Variants in FGFR2 observed in about 807,000 individuals in gnomAD.
The protein encoded by FGFR2 is fibroblast growth factor receptor 2, also known as BEK fibroblast growth factor receptor.
A neutral mutation model predicts 95.9 loss-of-function variants in FGFR2; 19 were observed. The observed-to-expected ratio is 0.20, with a 90% CI of 0.14 to 0.29. The LOEUF (loss-of-function observed/expected upper bound fraction) is 0.29. Ranked by LOEUF, FGFR2 falls within the 10% of genes least tolerant of loss-of-function variation. FGFR2 has a pLI of 1.00. For missense variants in FGFR2, 707 were observed against 1,056.9 expected (o/e 0.67, Z 4.59); for synonymous variants, 392 against 393.3 (o/e 1.00, Z 0.04).
rs181929851 is a variant in FGFR2 at position 121,531,608 on chromosome 10, G to A, written c.748+6984C>T. On this transcript the variant is annotated intron_variant, in intron 6 of 17. Transcript: ENST00000358487. The surrounding 1 kb of genome is among the most constrained non-coding windows in gnomAD (Gnocchi z 4.5). Reference sequence around the variant, plus strand: ...TTGCATGGTACTATTATTTAAAAGCGCTGCCTCTCCTACCACCTCCTCCTC... The same window carrying A: ...TTGCATGGTACTATTATTTAAAAGCACTGCCTCTCCTACCACCTCCTCCTC... 3.9e-5 allele frequency among the ~76,000 whole-genome samples: 6 copies of A among 152,204 alleles called. No homozygotes were observed. Among genetic ancestry groups the A allele is most frequent in the East Asian group, 1.9e-4 (1 of 5,176 alleles).
rs781348632 is a variant in FGFR2 at position 121,565,586 on chromosome 10, C to T, written c.228G>A (p.Gly76=). The T allele has an allele frequency of 6.2e-7, 1 of 1,614,172 alleles. No individual in the cohort carries two copies. The highest frequency in any genetic ancestry group is 2.2e-5 in the East Asian group (1 of 44,884). Residue 76 remains glycine, a synonymous_variant, in exon 3 of 18, where the codon GGG becomes GGA. Coordinates refer to ENST00000358487, the MANE Select transcript of FGFR2 (RefSeq NM_000141.5). ...DAAVISWTKD[G]VHLGPNNRTV... ...TCCTATTGTTGGGCCCCAAGTGCACCCCATCCTTAGTCCAACTGATCACGG... is the reference window on the plus strand; with the variant it reads ...TCCTATTGTTGGGCCCCAAGTGCACTCCATCCTTAGTCCAACTGATCACGG...
At chr10:121,498,457 A>C (rs1025498316) in intron 12 of FGFR2, 38 bp downstream of exon 12, 1 of 1,283,814 alleles carries the variant, frequency 7.8e-7, no homozygotes, top group Non-Finnish European at 1.1e-6. Flanking sequence ...ATCAAACTGC[A>C]GAGTATTTGG....
At chr10:121,524,769 G>A (rs1231129279) in intron 6 of FGFR2, among the ~76,000 whole-genome samples, 5 of 152,168 alleles carry the variant, frequency 3.3e-5, no homozygotes, top group South Asian at 2.1e-4. Context: ...CTGGCCCAGC[G>A]GGCACTACGG....
chr10:121,566,021 C>A, intron 2 of FGFR2: 1 of 461,736 alleles, frequency 2.2e-6, no homozygotes, highest in Non-Finnish European at 4.0e-6. Flanking sequence ...AGCGTGCTTG[C>A]ACTGTAATAC....
chr10:121,577,178 T>TATATATATAG, intron 2 of FGFR2, among the ~76,000 whole-genome samples: 7 of 5,214 alleles, frequency 1.3e-3, no homozygotes, highest in South Asian at 6.8e-3. Flanking sequence ...TATATATATA[T>TATATATATAG]AGAGAGAGAG....
chr10:121,515,197 T>C lies in FGFR2; in HGVS notation c.1207A>G (p.Thr403Ala), dbSNP rs2134224492. ...CTGCTGAAGTCTGGCTTCTTGGTCG[T>C]GTTCTTCATTCGGCACAGGATGACT... ...VTVILCRMKN[T>A]TKKPDFSSQP... The change falls in exon 9 of 18, where the codon ACG becomes GCG. Residue 403 changes from threonine to alanine, a missense_variant. Thr to Ala is a moderately conservative substitution (Grantham distance 58, BLOSUM62 0). This residue lies in a region of FGFR2 where 194 missense variants were observed against 267.3 expected (regional missense o/e 0.73). Transcript: ENST00000358487. The C allele has an allele frequency of 6.2e-7, 1 of 1,614,214 alleles. No individual in the cohort carries two copies. Among genetic ancestry groups the C allele is most frequent in the Non-Finnish European group, 8.5e-7 (1 of 1,180,032 alleles).
At chr10:121,489,545 C>T (rs1845863824) in intron 13 of FGFR2, among the ~76,000 whole-genome samples, 1 of 152,134 alleles carries the variant, frequency 6.6e-6, no homozygotes, top group Non-Finnish European at 1.5e-5. Context: ...TAAACACATA[C>T]AAAATATGCG....
At chr10:121,572,578 C>T (rs959247196) in intron 2 of FGFR2, among the ~76,000 whole-genome samples, 5 of 152,126 alleles carry the variant, frequency 3.3e-5, no homozygotes, top group Non-Finnish European at 5.9e-5. Context: ...CGAGACCATG[C>T]CATTGCACTC....
chr10:121,597,849 C>A (rs1354535328), intron 1 of FGFR2, 113 bp downstream of exon 1: 2 of 373,952 alleles, frequency 5.3e-6, no homozygotes. Context: ...CTCCACAATG[C>A]TAGTCCTTCC....
intron 6 of FGFR2, among the ~76,000 whole-genome samples, chr10:121,524,624 C>T (rs1253816695): frequency 6.6e-6 from 1 of 152,186 alleles, no homozygotes; most frequent in African/African-American, 2.4e-5. Flanking sequence ...TCCCTAAGAA[C>T]CTCAGAAACA....
At chr10:121,513,076 G>T (rs1244882781) in intron 9 of FGFR2, among the ~76,000 whole-genome samples, 1 of 152,140 alleles carries the variant, frequency 6.6e-6, no homozygotes, top group Non-Finnish European at 1.5e-5. Context: ...CAACATGTTA[G>T]TCAGGCTGGA....
At chr10:121,552,979 C>T (rs1295258870) in intron 4 of FGFR2, among the ~76,000 whole-genome samples, 1 of 152,080 alleles carries the variant, frequency 6.6e-6, no homozygotes, top group African/African-American at 2.4e-5. Flanking sequence ...GTGTAGAGCA[C>T]GTCCCTGGGG....
At position 121,597,380 on chromosome 10, in the gene FGFR2, C is replaced by T. The variant is rs1564761624; in HGVS notation, c.-151+582G>A. ...CCTAGCCCCAGGCGCACTGCGCTCC[C>T]TCCAGCGCCGACGGCGGCTGCGGGC... is the stretch of plus-strand genomic sequence containing the variant. On this transcript the variant is annotated intron_variant, in intron 1 of 17. Coordinates refer to ENST00000358487, the MANE Select transcript of FGFR2 (RefSeq NM_000141.5). Among the ~76,000 whole-genome samples, 5 of 152,334 alleles carry T rather than the reference C, an allele frequency of 3.3e-5. No individual in the cohort carries two copies. In the South Asian group the frequency reaches 8.3e-4, roughly 25 times the overall value.
In FGFR2 at chr10:121,517,415, G is replaced by A. The variant is rs200204947; in HGVS notation, c.988C>T (p.Arg330Trp). 7.4e-6 allele frequency: 12 copies of A among 1,614,136 alleles called. No homozygotes were observed. Among genetic ancestry groups the A allele is most frequent in the Non-Finnish European group, 1.0e-5 (12 of 1,180,010 alleles). ...CCAGCGTCCTCAAAAGTTACATTCC[G>A]AATATAGAGAACCTCAATCTCTTTG... ...TDKEIEVLYI[R>W]NVTFEDAGEY... The change falls in exon 8 of 18, where the codon CGG becomes TGG. Residue 330 changes from arginine to tryptophan, a missense_variant. By Grantham distance (101) the Arg-to-Trp change is moderately radical (BLOSUM62 -3). This residue lies in a region of FGFR2 where 139 missense variants were observed against 278.1 expected (regional missense o/e 0.50). Coordinates refer to ENST00000358487, the MANE Select transcript of FGFR2 (RefSeq NM_000141.5). The surrounding 1 kb of genome is among the most constrained non-coding windows in gnomAD (Gnocchi z 4.7).
In FGFR2 at chr10:121,478,843, A is replaced by T; in HGVS notation, c.*1014T>A. The T allele has an allele frequency of 4.3e-6, 1 of 233,660 alleles. No homozygotes were observed. The highest frequency in any genetic ancestry group is 8.5e-6 in the Non-Finnish European group (1 of 118,006). The allele number at this position is 233,660 out of a possible 1,614,324, so 14.5% of individuals were successfully genotyped here. ...CCAGAGAGAAGCACATTCTGCTATC[A>T]TTTCAACTAAGGTCTGTCCTCAAGG... On this transcript the variant is annotated 3_prime_UTR_variant, in exon 18 of 18. Coordinates refer to ENST00000358487, the MANE Select transcript of FGFR2 (RefSeq NM_000141.5).
chr10:121,495,238 G>T (rs781374127), intron 13 of FGFR2, among the ~76,000 whole-genome samples: 6 of 152,054 alleles, frequency 3.9e-5, no homozygotes, highest in African/African-American at 1.4e-4. Context: ...TATATATTGG[G>T]AGATTTTTAT....
chr10:121,513,509 C>A (rs1849317938), intron 9 of FGFR2, among the ~76,000 whole-genome samples: 1 of 152,108 alleles, frequency 6.6e-6, no homozygotes, highest in Admixed American at 6.5e-5. Flanking sequence ...AATTAAGGGG[C>A]AGTGGCCTAG....
intron 9 of FGFR2, among the ~76,000 whole-genome samples, chr10:121,509,629 A>G (rs564636735): frequency 1.3e-5 from 2 of 151,132 alleles, no homozygotes; most frequent in Non-Finnish European, 2.9e-5. Flanking sequence ...GATTACAGGC[A>G]TGTACCACCA....
chr10:121,533,575 A>G (rs999045413), intron 6 of FGFR2, among the ~76,000 whole-genome samples: 2 of 152,238 alleles, frequency 1.3e-5, no homozygotes, highest in Middle Eastern at 3.2e-3. Context: ...ATTCAAAGCC[A>G]AATCGTCTAC....
Sources: gnomAD v4.1 joint callset for allele counts (sites outside exome capture counted in the v4.1 genomes callset) on GRCh38, gnomAD v4.1.1 for gene constraint, gnomAD v4.1.1 regional missense constraint, Gnocchi (gnomAD v3.1) non-coding constraint, MANE v1.5 for transcripts, NCBI Gene and HGNC (gene_info 2026-07-23, HGNC 2026-07-21) for gene names.